The following KIAA2012 variants were observed in gnomAD, a reference collection of about 807,000 sequenced individuals.
KIAA2012 encodes KIAA2012.
Under a neutral mutation model 150.6 loss-of-function variants are expected in KIAA2012, and 125 were observed. The ratio of observed to expected loss-of-function variants is 0.83; its 90% CI spans 0.72 to 0.96. The LOEUF is 0.96. KIAA2012 is among the 40% of genes least tolerant of loss of function. The pLI, the probability that KIAA2012 is intolerant of heterozygous loss-of-function variation, is 0.00. For synonymous variants in KIAA2012, 462 were observed against 504.7 expected (o/e 0.92, Z 1.13); for missense variants, 1,219 against 1,354.9 (o/e 0.90, Z 1.57).
At chr2:202,168,485 T>C (rs1691820000) in intron 15 of KIAA2012, among the ~76,000 whole-genome samples, 1 of 151,174 alleles carries the variant, frequency 6.6e-6, no homozygotes, top group African/African-American at 2.4e-5. Context: ...AAAAGGGATA[T>C]TCATCTACTC....
rs1257951843 is a variant in KIAA2012, at chr2:202,186,933, G to T, written c.2211G>T (p.Val737=). ...TCCTGTTGGTTTGCTCTTTTCAAAGGGGCAGAGATTATGATGTACACCACC... is the reference window on the plus strand; with the variant it reads ...TCCTGTTGGTTTGCTCTTTTCAAAGTGGCAGAGATTATGATGTACACCACC... ...QTPEADIVQK[V]GRDYDVHHLH... The change falls in exon 17 of 24, where the codon GTG becomes GTT. Residue 737 remains valine (V), a splice_region_variant and synonymous_variant. Transcript: ENST00000498697. 6.5e-7 allele frequency: 1 copy of T among 1,550,060 alleles called. No individual in the cohort carries two copies. The highest frequency in any genetic ancestry group is 1.2e-5 in the South Asian group (1 of 83,956).
chr2:202,089,565 A>G (rs1028806480), intron 2 of KIAA2012, among the ~76,000 whole-genome samples: 10 of 152,156 alleles, frequency 6.6e-5, no homozygotes, highest in African/African-American at 2.4e-4. Flanking sequence ...TCCAGGCTAT[A>G]TTGTTGCCTT....
intron 14 of KIAA2012, 129 bp from the exon 15 acceptor site, chr2:202,165,152 TGAC>T (rs1465910069): frequency 1.3e-6 from 1 of 792,338 alleles, no homozygotes; most frequent in South Asian, 1.8e-5. Context: ...AGTAAAAAGT[TGAC>T]GAAGAAGGAG....
At chr2:202,164,213 G>A (rs1691712700) in intron 14 of KIAA2012, among the ~76,000 whole-genome samples, 1 of 151,884 alleles carries the variant, frequency 6.6e-6, no homozygotes, top group Admixed American at 6.6e-5. Context: ...AGACACACGG[G>A]GCTTACTTGG....
At chr2:202,119,691 A>G (rs1553555127) in intron 11 of KIAA2012, among the ~76,000 whole-genome samples, 1 of 152,156 alleles carries the variant, frequency 6.6e-6, no homozygotes, top group Non-Finnish European at 1.5e-5. Flanking sequence ...CAGGGCCACT[A>G]GAGCTATGTG....
intron 13 of KIAA2012, among the ~76,000 whole-genome samples, chr2:202,149,503 AGCCTCTTGGCAGCCTGT>A (rs899215683): frequency 3.3e-5 from 5 of 152,168 alleles, no homozygotes; most frequent in African/African-American, 1.2e-4. Context: ...AGGTTCCCGG[AGCCTCTTGGCAGCCTGT>A]TCTCCGGCAG....
rs559194737 is a variant in KIAA2012, at chr2:202,131,116, C to T, written c.1831+5834C>T. The stretch of plus-strand genomic sequence containing the variant: ...GACATCAGAATCAGACTGTGTTCAA[C>T]AGAAAGAATCTGTGAGTATGTTTTT... On this transcript the variant is annotated intron_variant, in intron 12 of 23. Transcript: ENST00000498697. Among the ~76,000 whole-genome samples the T allele has an allele frequency of 3.3e-5, 5 of 152,194 alleles. No individual in the cohort carries two copies. In the South Asian group the frequency reaches 1.0e-3, roughly 32 times the overall value.
At chr2:202,159,767 G>A (rs186777051) in intron 14 of KIAA2012, among the ~76,000 whole-genome samples, 27 of 152,278 alleles carry the variant, frequency 1.8e-4, no homozygotes, top group African/African-American at 4.3e-4. Context: ...TCTTGAACCC[G>A]GGAGGCGGAG....
At chr2:202,172,768 C>A (rs987345485) in intron 15 of KIAA2012, among the ~76,000 whole-genome samples, 4 of 152,144 alleles carry the variant, frequency 2.6e-5, no homozygotes, top group African/African-American at 9.7e-5. Flanking sequence ...ACAGGGAGAC[C>A]AGAAGTGTGT....
At chr2:202,141,436 A>T (rs1259858051) in intron 13 of KIAA2012, among the ~76,000 whole-genome samples, 1 of 152,188 alleles carries the variant, frequency 6.6e-6, no homozygotes, top group Non-Finnish European at 1.5e-5. Flanking sequence ...AAAGAGAGCA[A>T]TGAAAAAAGA....
chr2:202,087,140 A>AGG (rs1168344531), intron 2 of KIAA2012, among the ~76,000 whole-genome samples: 49 of 152,276 alleles, frequency 3.2e-4, no homozygotes, highest in Non-Finnish European at 6.0e-4. Context: ...CTTTTGCACT[A>AGG]CAAGGACAGG....
In KIAA2012 at chr2:202,184,800, A is replaced by C. The variant is rs766336041; in HGVS notation, c.2167A>C (p.Thr723Pro). The change falls in exon 16 of 24, where the codon ACT becomes CCT. Residue 723 changes from threonine (T) to proline (P), a missense_variant. By Grantham distance (38) the Thr-to-Pro change is conservative. Transcript: ENST00000498697. ...CCTTGACTCTCCCAGGGCTTCCCGGACTGAGCACATCCAGACCCCAGAAGC... is the reference window on the plus strand; with the variant it reads ...CCTTGACTCTCCCAGGGCTTCCCGGCCTGAGCACATCCAGACCCCAGAAGC... ...MTLDSPRASR[T>P]EHIQTPEADI... 1.0e-5 allele frequency: 16 copies of C among 1,549,562 alleles called. No individual in the cohort carries two copies. The South Asian group carries it at 1.9e-4, about 18-fold the overall frequency.
At chr2:202,120,458 T>C (rs1450180503) in intron 11 of KIAA2012, among the ~76,000 whole-genome samples, 2 of 152,200 alleles carry the variant, frequency 1.3e-5, no homozygotes, top group Non-Finnish European at 2.9e-5. Flanking sequence ...GCCACACAGC[T>C]TTTATATGGC....
rs753516216 is a variant in KIAA2012, at chr2:202,075,197, G to T, written c.369+22G>T. On this transcript the variant is annotated intron_variant, in intron 2 of 23. Coordinates refer to ENST00000498697, the MANE Select transcript of KIAA2012 (RefSeq NM_001277372.4). ...GCAGGTAGGCAGAACGCTCCCTTGG[G>T]TTTGGGGAAGGTGCTGGTAGCATGT... is the stretch of plus-strand genomic sequence containing the variant. 2.6e-6 allele frequency: 4 copies of T among 1,520,464 alleles called. No homozygotes were observed. In the South Asian group the frequency reaches 5.1e-5, roughly 19 times the overall value. The allele number at this position is 1,520,464 out of a possible 1,614,324, so 94.2% of individuals were successfully genotyped here. A position where few individuals can be genotyped will look rare whatever the true frequency, so the allele number is the denominator to read the frequency against.
chr2:202,083,565 G>T (rs570192547), intron 2 of KIAA2012, among the ~76,000 whole-genome samples: 1 of 152,374 alleles, frequency 6.6e-6, no homozygotes, highest in African/African-American at 2.4e-5. Flanking sequence ...CCTGAGAGAA[G>T]GACTTCTGGC....
At position 202,162,802 on chromosome 2, in the gene KIAA2012, C is replaced by T. The variant is rs1477660409; in HGVS notation, c.2047-2482C>T. 3.3e-5 allele frequency among the ~76,000 whole-genome samples: 5 copies of T among 150,868 alleles called. No individual in the cohort carries two copies. The East Asian group carries it at 1.0e-3, about 31-fold the overall frequency. ...AAAATTAGCTGGGCGTGGTGGCGGG[C>T]GCCTATAGTCCCAGCTACTTGGGAG... On this transcript the variant is annotated intron_variant, in intron 14 of 23. Transcript: ENST00000498697.
intron 4 of KIAA2012, among the ~76,000 whole-genome samples, chr2:202,093,423 T>C (rs1689784011): frequency 6.6e-6 from 1 of 152,242 alleles, no homozygotes; most frequent in Admixed American, 6.5e-5. Context: ...CTATTGAGCA[T>C]TTGAAATGTA....
chr2:202,074,800 TA>T, intron 1 of KIAA2012, 90 bp from the exon 2 acceptor site: 9 of 1,338,500 alleles, frequency 6.7e-6, no homozygotes, highest in East Asian at 2.5e-5. Context: ...AATCAGTAAC[TA>T]AAAAAATGCC....
chr2:202,116,777 A>C (rs1690539708), intron 11 of KIAA2012: 1 of 152,140 alleles, frequency 6.6e-6, no homozygotes, highest in Admixed American at 6.5e-5. Context: ...ATGATGGCTC[A>C]CTTCTAAATA....
Sources: gnomAD v4.1 joint callset for allele counts (sites outside exome capture counted in the v4.1 genomes callset) on GRCh38, gnomAD v4.1.1 for gene constraint, MANE v1.5 for transcripts, NCBI Gene and HGNC (gene_info 2026-07-23, HGNC 2026-07-21) for gene names.